The following NKG7 variants were observed in gnomAD, a reference collection of about 807,000 sequenced individuals.
The protein encoded by NKG7 is natural killer cell granule protein 7.
Under a neutral mutation model 14.7 loss-of-function variants are expected in NKG7, and 8 were observed. That is an observed-to-expected ratio of 0.54 (90% CI 0.32 to 0.98). The LOEUF (loss-of-function observed/expected upper bound fraction) is 0.98, where lower values mean the gene tolerates loss of function less well. Ranked by LOEUF, NKG7 falls within the 50% of genes least tolerant of loss-of-function variation. The probability of loss-of-function intolerance (pLI) is 0.04; values close to 1 mark genes in which losing one functional copy is unlikely to be tolerated. For synonymous variants in NKG7, 95 were observed against 90.7 expected, an observed-to-expected ratio of 1.05 and a Z score of -0.27; for missense variants, 215 against 211.1, an observed-to-expected ratio of 1.02 and a Z score of -0.11.
At position 51,372,343 on chromosome 19, in the gene NKG7, C is replaced by G; in HGVS notation, c.157+36G>C. 6.2e-7 allele frequency: 1 copy of G among 1,612,678 alleles called. No individual in the cohort carries two copies. The highest frequency in any genetic ancestry group is 8.5e-7 in the Non-Finnish European group (1 of 1,178,902). ...GAAGACCACTGAGCACCCATCCCCG[C>G]TGGCAACCCCTCTGTAGGACACCCA... On this transcript the variant is annotated intron_variant, in intron 1 of 3. Transcript: ENST00000221978. This position sits in a 1 kb window ranked among gnomAD's most constrained non-coding sequence, Gnocchi z 4.8.
Position 51,372,413 on chromosome 19 carries a change from G to T in NKG7, c.123C>A (p.Gly41=). The change falls in exon 1 of 4, where the codon GGC becomes GGA. Residue 41 remains glycine, a synonymous_variant. Transcript: ENST00000221978. This position sits in a 1 kb window ranked among gnomAD's most constrained non-coding sequence, Gnocchi z 4.8. ...AVGPTHSAHS[G]LWPTGHGDII... ...TGTCCCCATGCCCTGTTGGCCAGAGGCCCGAGTGAGCTGAGTGGGTGGGAC... is the reference window on the plus strand; with the variant it reads ...TGTCCCCATGCCCTGTTGGCCAGAGTCCCGAGTGAGCTGAGTGGGTGGGAC... 6.2e-7 allele frequency: 1 copy of T among 1,614,168 alleles called. No homozygotes were observed. The highest frequency in any genetic ancestry group is 8.5e-7 in the Non-Finnish European group (1 of 1,180,024).
Position 51,372,210 on chromosome 19 carries a change from GA to G in NKG7, c.254del (p.Phe85SerfsTer65). The stretch of plus-strand genomic sequence containing the variant: ...AGACAAGCGGGCCGTGGCCTGGGGG[GA>G]ACAGTGAGGGGAAGCAGGACAGGAC... ...FLVLSCFPSLFPPGHGPLVST... is the reference protein window; with the variant it reads ...FLVLSCFPSLXPPGHGPLVST... On this transcript the variant is annotated frameshift_variant, in exon 2 of 4. Coordinates refer to ENST00000221978, the MANE Select transcript of NKG7 (RefSeq NM_005601.4). LOFTEE classifies it high-confidence loss of function. This position sits in a 1 kb window ranked among gnomAD's most constrained non-coding sequence, Gnocchi z 4.8. 6.2e-7 allele frequency: 1 copy of G among 1,613,398 alleles called. No individual in the cohort carries two copies. The highest frequency in any genetic ancestry group is 1.1e-5 in the South Asian group (1 of 90,958).
chr19:51,372,536 G>A lies in NKG7; in HGVS notation c.-1C>T. Reference sequence around the variant, plus strand: ...GGGCCAGGGACCGGCAGAGCTCCATGGGGATAAGCTCAGGGCTTCTGGGTC... The same window carrying A: ...GGGCCAGGGACCGGCAGAGCTCCATAGGGATAAGCTCAGGGCTTCTGGGTC... On this transcript the variant is annotated 5_prime_UTR_variant, in exon 1 of 4. Coordinates refer to ENST00000221978, the MANE Select transcript of NKG7 (RefSeq NM_005601.4). This position sits in a 1 kb window ranked among gnomAD's most constrained non-coding sequence, Gnocchi z 4.8. 1 of 1,613,660 alleles carries A rather than the reference G, an allele frequency of 6.2e-7. No homozygotes were observed. The highest frequency in any genetic ancestry group is 1.1e-5 in the South Asian group (1 of 91,078).
In NKG7 at chr19:51,372,061, C is replaced by T. The variant is rs967227250; in HGVS notation, c.318G>A (p.Val106=). Residue 106 remains valine (V), a synonymous_variant, in exon 3 of 4, where the codon GTG becomes GTA. Coordinates refer to ENST00000221978, the MANE Select transcript of NKG7 (RefSeq NM_005601.4). The surrounding 1 kb of genome is among the most constrained non-coding windows in gnomAD (Gnocchi z 4.8). ...TAAFAAAISM[V]VAMAVYTSER... ...CGCTGGTGTACACCGCCATGGCCAC[C>T]ACCATGGAGATGGCTGGGGACAAGG... The T allele has an allele frequency of 6.2e-7, 1 of 1,611,104 alleles. No individual in the cohort carries two copies. The highest frequency in any genetic ancestry group is 1.3e-5 in the African/African-American group (1 of 75,008).
In NKG7 at chr19:51,372,339, C is replaced by T; in HGVS notation, c.158-32G>A. 6.2e-7 allele frequency: 1 copy of T among 1,612,554 alleles called. No homozygotes were observed. The highest frequency in any genetic ancestry group is 2.2e-5 in the East Asian group (1 of 44,834). On this transcript the variant is annotated intron_variant, in intron 1 of 3. Coordinates refer to ENST00000221978, the MANE Select transcript of NKG7 (RefSeq NM_005601.4). This position sits in a 1 kb window ranked among gnomAD's most constrained non-coding sequence, Gnocchi z 4.8. The stretch of plus-strand genomic sequence containing the variant: ...GGGAGAAGACCACTGAGCACCCATC[C>T]CCGCTGGCAACCCCTCTGTAGGACA...
At position 51,371,817 on chromosome 19, in the gene NKG7, G is replaced by A; in HGVS notation, c.458C>T (p.Ala153Val). Residue 153 changes from alanine to valine, a missense_variant, in exon 4 of 4, where the codon GCT becomes GTT. Ala to Val is a moderately conservative substitution (Grantham distance 64, BLOSUM62 0). Transcript: ENST00000221978. The surrounding 1 kb of genome is among the most constrained non-coding windows in gnomAD (Gnocchi z 4.2). Reference sequence around the variant, plus strand: ...GCCAGGACGGGGACCGCCACAGTGAGCACCCAGGCTCAGGGCACCTGGGGA... The same window carrying A: ...GCCAGGACGGGGACCGCCACAGTGAACACCCAGGCTCAGGGCACCTGGGGA... Reference protein sequence around the residue: ...LLCTGALSLGAHCGGPRPGYE... With the variant: ...LLCTGALSLGVHCGGPRPGYE... 9.9e-6 allele frequency: 16 copies of A among 1,613,148 alleles called. No individual in the cohort carries two copies. The highest frequency in any genetic ancestry group is 1.4e-5 in the Non-Finnish European group (16 of 1,179,404).
chr19:51,371,685 C>A lies in NKG7; in HGVS notation c.*92G>T. The A allele has an allele frequency of 3.7e-6, 5 of 1,365,318 alleles. No homozygotes were observed. The South Asian group carries it at 4.3e-5, about 12-fold the overall frequency. 84.6% of individuals were successfully genotyped at this position (1,365,318 alleles called of 1,614,324 possible). On this transcript the variant is annotated 3_prime_UTR_variant, in exon 4 of 4. Transcript: ENST00000221978. The surrounding 1 kb of genome is among the most constrained non-coding windows in gnomAD (Gnocchi z 4.2). ...AGGGGCTGGGGAAGGGCTGGAAGGG[C>A]GGGCAGATGTGGGACCAGACTTTCC... is the stretch of plus-strand genomic sequence containing the variant.
At position 51,371,851 on chromosome 19, in the gene NKG7, G is replaced by C. The variant is rs1374806153; in HGVS notation, c.440-16C>G. The C allele has an allele frequency of 1.2e-6, 2 of 1,611,362 alleles. No homozygotes were observed. The highest frequency in any genetic ancestry group is 2.2e-5 in the East Asian group (1 of 44,812). On this transcript the variant is annotated splice_polypyrimidine_tract_variant and intron_variant, in intron 3 of 3. Coordinates refer to ENST00000221978, the MANE Select transcript of NKG7 (RefSeq NM_005601.4). This position sits in a 1 kb window ranked among gnomAD's most constrained non-coding sequence, Gnocchi z 4.2. ...CTCAGGGCACCTGGGGAGCCAGAAA[G>C]AGTTTAAGCACTTGCCCCTGCCCTC...
chr19:51,371,922 A>G lies in NKG7; in HGVS notation c.439+18T>C. 1 of 1,606,182 alleles carries G rather than the reference A, an allele frequency of 6.2e-7. No individual in the cohort carries two copies. The highest frequency in any genetic ancestry group is 8.5e-7 in the Non-Finnish European group (1 of 1,174,902). ...GGACCCTCCCAAAGCTCCCCAGGGC[A>G]GTGGGCAGGATAGTCACCTGTACAG... On this transcript the variant is annotated intron_variant, in intron 3 of 3. Transcript: ENST00000221978. This position sits in a 1 kb window ranked among gnomAD's most constrained non-coding sequence, Gnocchi z 4.2.
Position 51,371,680 on chromosome 19 carries a change from AAGGGCGGGC to A in NKG7, c.*88_*96del. ...AGAGGAGGGGCTGGGGAAGGGCTGG[AAGGGCGGGC>A]AGATGTGGGACCAGACTTTCCCGAG... On this transcript the variant is annotated 3_prime_UTR_variant, in exon 4 of 4. Coordinates refer to ENST00000221978, the MANE Select transcript of NKG7 (RefSeq NM_005601.4). The surrounding 1 kb of genome is among the most constrained non-coding windows in gnomAD (Gnocchi z 4.2). The A allele has an allele frequency of 7.5e-7, 1 of 1,335,746 alleles. No individual in the cohort carries two copies. The highest frequency in any genetic ancestry group is 1.0e-6 in the Non-Finnish European group (1 of 979,246). The allele number at this position is 1,335,746 out of a possible 1,614,324, so 82.7% of individuals were successfully genotyped here. A position where few individuals can be genotyped will look rare whatever the true frequency, so the allele number is the denominator to read the frequency against.
chr19:51,371,848 A>G lies in NKG7; in HGVS notation c.440-13T>C, dbSNP rs1568476925. Reference sequence around the variant, plus strand: ...AGGCTCAGGGCACCTGGGGAGCCAGAAAGAGTTTAAGCACTTGCCCCTGCC... The same window carrying G: ...AGGCTCAGGGCACCTGGGGAGCCAGGAAGAGTTTAAGCACTTGCCCCTGCC... On this transcript the variant is annotated splice_polypyrimidine_tract_variant and intron_variant, in intron 3 of 3. Coordinates refer to ENST00000221978, the MANE Select transcript of NKG7 (RefSeq NM_005601.4). The surrounding 1 kb of genome is among the most constrained non-coding windows in gnomAD (Gnocchi z 4.2). The G allele has an allele frequency of 1.9e-6, 3 of 1,611,628 alleles. No individual in the cohort carries two copies. The highest frequency in any genetic ancestry group is 2.5e-6 in the Non-Finnish European group (3 of 1,178,486).
Position 51,371,643 on chromosome 19 carries a change from A to G in NKG7, c.*134T>C. The G allele has an allele frequency of 9.9e-7, 1 of 1,008,066 alleles. No homozygotes were observed. The highest frequency in any genetic ancestry group is 1.4e-6 in the Non-Finnish European group (1 of 696,960). The allele number at this position is 1,008,066 out of a possible 1,614,324, so 62.4% of individuals were successfully genotyped here. ...GATTCCAGCCAAATTTTGTTGAATG[A>G]ATGAAGAAACAAGAGGAGGGGCTGG... On this transcript the variant is annotated 3_prime_UTR_variant, in exon 4 of 4. Coordinates refer to ENST00000221978, the MANE Select transcript of NKG7 (RefSeq NM_005601.4). This position sits in a 1 kb window ranked among gnomAD's most constrained non-coding sequence, Gnocchi z 4.2.
In NKG7 at chr19:51,371,742, C is replaced by T. The variant is rs763671437; in HGVS notation, c.*35G>A. The stretch of plus-strand genomic sequence containing the variant: ...TCCAGATGAGGCCTTTGGAATACAA[C>T]GCTCAAAACTCATCTTGCCGCTCTT... On this transcript the variant is annotated 3_prime_UTR_variant, in exon 4 of 4. Transcript: ENST00000221978. This position sits in a 1 kb window ranked among gnomAD's most constrained non-coding sequence, Gnocchi z 4.2. 1.4e-5 allele frequency: 22 copies of T among 1,591,628 alleles called. No homozygotes were observed. Among genetic ancestry groups the T allele is most frequent in the East Asian group, 9.0e-5 (4 of 44,500 alleles).
Position 51,371,982 on chromosome 19 carries a change from A to C in NKG7, c.397T>G (p.Phe133Val), listed in dbSNP as rs776553727. The C allele has an allele frequency of 3.1e-6, 5 of 1,613,426 alleles. No individual in the cohort carries two copies. In the South Asian group the frequency reaches 5.5e-5, roughly 18 times the overall value. ...PQIQTFFSWS[F>V]YLGWVSAILL... is the part of the protein sequence containing the mutation. Reference sequence around the variant, plus strand: ...ATAGCTGAGACCCAGCCCAGGTAGAAGGACCAGGAGAAGAAGGTCTGGATC... The same window carrying C: ...ATAGCTGAGACCCAGCCCAGGTAGACGGACCAGGAGAAGAAGGTCTGGATC... The change falls in exon 3 of 4, where the codon TTC (phenylalanine) becomes GTC (valine). Residue 133 changes from phenylalanine (F) to valine (V), a missense_variant. By Grantham distance (50) the Phe-to-Val change is conservative. Coordinates refer to ENST00000221978, the MANE Select transcript of NKG7 (RefSeq NM_005601.4). This position sits in a 1 kb window ranked among gnomAD's most constrained non-coding sequence, Gnocchi z 4.2.
chr19:51,372,476 C>G lies in NKG7; in HGVS notation c.60G>C (p.Leu20=). The G allele has an allele frequency of 6.2e-7, 1 of 1,614,212 alleles. No individual in the cohort carries two copies. Among genetic ancestry groups the G allele is most frequent in the Non-Finnish European group, 8.5e-7 (1 of 1,180,040 alleles). ...ACCAGAAATCGGTGCTCAAAGCAAT[C>G]AGGCAGAACATCAGGCCCAGGGAGC... ...LGGSLGLMFC[L]IALSTDFWFE... is the part of the protein sequence containing the mutation. Residue 20 remains leucine (L), a synonymous_variant, in exon 1 of 4, where the codon CTG becomes CTC. Coordinates refer to ENST00000221978, the MANE Select transcript of NKG7 (RefSeq NM_005601.4). This position sits in a 1 kb window ranked among gnomAD's most constrained non-coding sequence, Gnocchi z 4.8.
Position 51,371,855 on chromosome 19 carries a change from T to C in NKG7, c.440-20A>G. 1 of 1,610,654 alleles carries C rather than the reference T, an allele frequency of 6.2e-7. No homozygotes were observed. Among genetic ancestry groups the C allele is most frequent in the Non-Finnish European group, 8.5e-7 (1 of 1,177,906 alleles). Reference sequence around the variant, plus strand: ...GGGCACCTGGGGAGCCAGAAAGAGTTTAAGCACTTGCCCCTGCCCTCTGTC... The same window carrying C: ...GGGCACCTGGGGAGCCAGAAAGAGTCTAAGCACTTGCCCCTGCCCTCTGTC... On this transcript the variant is annotated intron_variant, in intron 3 of 3. Transcript: ENST00000221978. The surrounding 1 kb of genome is among the most constrained non-coding windows in gnomAD (Gnocchi z 4.2).
rs112763113 is a variant in NKG7 at position 51,371,895 on chromosome 19, C to G, written c.439+45G>C. The stretch of plus-strand genomic sequence containing the variant: ...TGCCCTCTGTCCTCAGGGACCCCAA[C>G]TGGACCCTCCCAAAGCTCCCCAGGG... On this transcript the variant is annotated intron_variant, in intron 3 of 3. Transcript: ENST00000221978. This position sits in a 1 kb window ranked among gnomAD's most constrained non-coding sequence, Gnocchi z 4.2. The G allele has an allele frequency of 1.9e-5, 30 of 1,603,136 alleles. No individual in the cohort carries two copies. Among genetic ancestry groups the G allele is most frequent in the South Asian group, 1.6e-4 (14 of 90,218 alleles).
chr19:51,372,022 C>G lies in NKG7; in HGVS notation c.357G>C (p.Gln119His). 1 of 1,613,742 alleles carries G rather than the reference C, an allele frequency of 6.2e-7. No homozygotes were observed. The highest frequency in any genetic ancestry group is 8.5e-7 in the Non-Finnish European group (1 of 1,179,918). The change falls in exon 3 of 4, where the codon CAG (glutamine) becomes CAC (histidine). Residue 119 changes from glutamine to histidine, a missense_variant. Physicochemically the swap from Gln to His is conservative, Grantham distance 24 (BLOSUM62 0). Coordinates refer to ENST00000221978, the MANE Select transcript of NKG7 (RefSeq NM_005601.4). The surrounding 1 kb of genome is among the most constrained non-coding windows in gnomAD (Gnocchi z 4.8). ...MAVYTSERWD[Q>H]PPHPQIQTFF... ...AGGTCTGGATCTGGGGGTGTGGAGG[C>G]TGGTCCCACCGCTCGCTGGTGTACA... is the stretch of plus-strand genomic sequence containing the variant.
Position 51,372,584 on chromosome 19 carries a change from A to T in NKG7, c.-49T>A. 6.3e-7 allele frequency: 1 copy of T among 1,595,564 alleles called. No homozygotes were observed. The highest frequency in any genetic ancestry group is 8.5e-7 in the Non-Finnish European group (1 of 1,171,806). On this transcript the variant is annotated 5_prime_UTR_variant, in exon 1 of 4. Coordinates refer to ENST00000221978, the MANE Select transcript of NKG7 (RefSeq NM_005601.4). This position sits in a 1 kb window ranked among gnomAD's most constrained non-coding sequence, Gnocchi z 4.8. The stretch of plus-strand genomic sequence containing the variant: ...GTCCTGGAGGAGGAAGAGGCTGCTG[A>T]TCAGACTCTTGAATCTCAGAGAGAA...
Sources: allele counts gnomAD v4.1 joint callset, GRCh38; gene constraint gnomAD v4.1.1; non-coding constraint Gnocchi (gnomAD v3.1); transcripts MANE v1.5; gene names NCBI Gene and HGNC (gene_info 2026-07-23, HGNC 2026-07-21).